SBF2: variants seen among roughly 807,000 people sequenced by gnomAD.
The protein encoded by SBF2 is myotubularin-related protein 13.
A neutral mutation model predicts 225.2 loss-of-function variants in SBF2; 112 were observed. The observed-to-expected ratio is 0.50, with a 90% CI of 0.43 to 0.58. SBF2 has a LOEUF of 0.58. Among genes scored for constraint, SBF2 ranks in the 20% least tolerant of loss-of-function variants. SBF2 has a pLI of 0.00. For synonymous variants in SBF2, 763 were observed against 773.3 expected, an observed-to-expected ratio of 0.99 and a Z score of 0.22; for missense variants, 1,996 against 2,206.2, an observed-to-expected ratio of 0.90 and a Z score of 1.91.
chr11:9,889,811 G>A (rs1860643472), intron 17 of SBF2, among the ~76,000 whole-genome samples: 1 of 152,214 alleles, frequency 6.6e-6, no homozygotes, highest in Admixed American at 6.5e-5. Flanking sequence ...ACAGAAAGCA[G>A]ATTAGTGGTT....
At chr11:9,975,013 A>C (rs540155898) in intron 13 of SBF2, among the ~76,000 whole-genome samples, 35 of 150,264 alleles carry the variant, frequency 2.3e-4, no homozygotes, top group African/African-American at 7.8e-4. Flanking sequence ...AACTGACAAT[A>C]CCAAGTGTTA....
rs1416407004 is a variant in SBF2 at position 9,846,956 on chromosome 11, C to A, written c.2934G>T (p.Gln978His). Residue 978 changes from glutamine to histidine, a missense_variant and splice_region_variant, in exon 23 of 40, where the codon CAG (glutamine) becomes CAT (histidine). Gln to His is a conservative substitution (Grantham distance 24). Coordinates refer to ENST00000256190, the MANE Select transcript of SBF2 (RefSeq NM_030962.4). ...EGLQITSASF[Q>H]LIKVAFDEEV... ...AAACAATGGCTTCCTTTTTTAATAC[C>A]TGAAAAGATGCTGATGTGATCTGCA... 1.9e-6 allele frequency: 3 copies of A among 1,613,554 alleles called. No homozygotes were observed. The Admixed American group carries it at 5.0e-5, about 27-fold the overall frequency.
intron 13 of SBF2, among the ~76,000 whole-genome samples, chr11:9,971,488 G>A (rs1296590050): frequency 2.6e-5 from 4 of 151,954 alleles, no homozygotes. Flanking sequence ...AGACCAGTCT[G>A]GGCAACATAG....
chr11:9,977,492 GA>G (rs200092202), intron 13 of SBF2, among the ~76,000 whole-genome samples: 1,779 of 120,824 alleles, frequency 0.015, 15 homozygotes, highest in Middle Eastern at 0.028. Context: ...GTCTCTTTAA[GA>G]AAAAAAAAAA....
chr11:9,940,422 A>T (rs569602810), intron 16 of SBF2, among the ~76,000 whole-genome samples: 5 of 151,404 alleles, frequency 3.3e-5, no homozygotes, highest in South Asian at 2.1e-4. Context: ...AATTTTTTTT[A>T]AAGTACATAC....
At chr11:10,228,112 GCTCT>G (rs1217954601) in intron 1 of SBF2, among the ~76,000 whole-genome samples, 4 of 150,788 alleles carry the variant, frequency 2.7e-5, no homozygotes, top group East Asian at 1.9e-4. Flanking sequence ...TCATGATTTG[GCTCT>G]CTGTTTGTCT....
At chr11:10,261,306 A>G (rs538174964) in intron 1 of SBF2, among the ~76,000 whole-genome samples, 8 of 152,246 alleles carry the variant, frequency 5.3e-5, no homozygotes, top group African/African-American at 1.9e-4. Flanking sequence ...GGGCTCAAGC[A>G]ATCCTCCCGT....
At chr11:10,059,595 T>G (rs922418683) in intron 2 of SBF2, among the ~76,000 whole-genome samples, 2 of 152,156 alleles carry the variant, frequency 1.3e-5, no homozygotes, top group Non-Finnish European at 2.9e-5. Context: ...CATCACCATA[T>G]GGCACATACT....
intron 3 of SBF2, among the ~76,000 whole-genome samples, chr11:10,031,865 C>A (rs7938502): frequency 0.2 from 30,679 of 152,124 alleles, 3,967 homozygotes; most frequent in Non-Finnish European, 0.3. Flanking sequence ...ACCTCAGCCT[C>A]CCAAGTGGTT....
chr11:9,896,704 G>A (rs1408021430), intron 16 of SBF2, among the ~76,000 whole-genome samples: 4 of 151,254 alleles, frequency 2.6e-5, no homozygotes, highest in East Asian at 2.0e-4. Context: ...CAGGAGAATC[G>A]CTTGAACCCG....
intron 2 of SBF2, among the ~76,000 whole-genome samples, chr11:10,155,938 T>A (rs1165609825): frequency 6.6e-6 from 1 of 152,198 alleles, no homozygotes; most frequent in African/African-American, 2.4e-5. Flanking sequence ...CAGGGACGTG[T>A]GGCTGGGGCT....
intron 2 of SBF2, among the ~76,000 whole-genome samples, chr11:10,108,515 CTTTTTTTTT>C (rs34189666): frequency 1.8e-4 from 15 of 83,482 alleles, no homozygotes; most frequent in Admixed American, 4.9e-4. Flanking sequence ...TAATAGTTAA[CTTTTTTTTT>C]TTTTTTTTTT....
chr11:10,270,994 C>CAAAAAA (rs1180184303), intron 1 of SBF2, among the ~76,000 whole-genome samples: 4 of 27,686 alleles, frequency 1.4e-4, no homozygotes, highest in African/African-American at 5.1e-4. Context: ...GACTCTGTCT[C>CAAAAAA]AAAAAAAAAA....
At position 10,167,373 on chromosome 11, in the gene SBF2, C is replaced by G. The variant is rs963415271; in HGVS notation, c.141+26529G>C. The stretch of plus-strand genomic sequence containing the variant: ...AATCCCAGGAATTCTAGACCAGCCT[C>G]AGTAACATACTGAACCCTGGTCTCT... On this transcript the variant is annotated intron_variant, in intron 2 of 39. Coordinates refer to ENST00000256190, the MANE Select transcript of SBF2 (RefSeq NM_030962.4). Among the ~76,000 whole-genome samples, 11 of 152,016 alleles carry G rather than the reference C, an allele frequency of 7.2e-5. No individual in the cohort carries two copies. The South Asian group carries it at 2.3e-3, about 32-fold the overall frequency.
intron 2 of SBF2, among the ~76,000 whole-genome samples, chr11:10,143,049 A>C (rs953537124): frequency 6.6e-6 from 1 of 152,208 alleles, no homozygotes; most frequent in Admixed American, 6.5e-5. Flanking sequence ...CAGGTTTGTG[A>C]AAGTATTCCT....
intron 2 of SBF2, among the ~76,000 whole-genome samples, chr11:10,143,495 G>C (rs939957539): frequency 7.2e-5 from 11 of 152,140 alleles, no homozygotes; most frequent in African/African-American, 2.4e-4. Flanking sequence ...AGCTGGCTCT[G>C]TGTGATATAA....
intron 13 of SBF2, among the ~76,000 whole-genome samples, chr11:9,985,552 A>AC (rs1158259977): frequency 6.6e-6 from 1 of 152,008 alleles, no homozygotes; most frequent in Non-Finnish European, 1.5e-5. Context: ...CAAACTCCTG[A>AC]CTTCAGGTGA....
intron 1 of SBF2, among the ~76,000 whole-genome samples, chr11:10,256,058 T>G (rs1338387508): frequency 6.6e-6 from 1 of 152,242 alleles, no homozygotes; most frequent in Non-Finnish European, 1.5e-5. Context: ...CCAAACTATA[T>G]GCAGACTCAT....
chr11:10,007,172 G>A (rs1322474974), intron 6 of SBF2, among the ~76,000 whole-genome samples: 2 of 152,132 alleles, frequency 1.3e-5, no homozygotes, highest in Admixed American at 1.3e-4. Flanking sequence ...CGAAGTTAAG[G>A]GTACATGGTA....
Sources: allele counts gnomAD v4.1 joint callset (sites outside exome capture counted in the v4.1 genomes callset), GRCh38; gene constraint gnomAD v4.1.1; transcripts MANE v1.5; gene names NCBI Gene and HGNC (gene_info 2026-07-23, HGNC 2026-07-21).